FRMPD4: variants seen among roughly 807,000 people sequenced by gnomAD.
FRMPD4 encodes the protein FERM and PDZ domain-containing protein 4.
In FRMPD4, 22 loss-of-function variants were observed where a neutral mutation model predicts 94.1. That is an observed-to-expected ratio of 0.23 (90% CI 0.17 to 0.33). FRMPD4 has a LOEUF of 0.33. Among genes scored for constraint, FRMPD4 ranks in the 10% least tolerant of loss-of-function variants. The pLI is 1.00. For synonymous variants in FRMPD4, 631 were observed against 548.6 expected (o/e 1.15, Z -2.10); for missense variants, 1,111 against 1,339.9 (o/e 0.83, Z 2.67).
At chrX:12,141,539 G>GA (rs1279459669) in intron 1 of FRMPD4, among the ~76,000 whole-genome samples, 1 of 109,896 alleles carries the variant, frequency 9.1e-6, no homozygotes, top group Admixed American at 9.8e-5. Flanking sequence ...TTAATCGTGG[G>GA]AAAAATCAGA....
intron 3 of FRMPD4, among the ~76,000 whole-genome samples, chrX:11,921,359 G>A (rs891594584): frequency 2.7e-5 from 3 of 111,235 alleles, no homozygotes; most frequent in African/African-American, 9.8e-5. Context: ...CTTCTTATAA[G>A]GACACCAGTC....
At chrX:12,593,770 G>A (rs192627947) in intron 2 of FRMPD4, among the ~76,000 whole-genome samples, 2 of 111,031 alleles carry the variant, frequency 1.8e-5, no homozygotes, top group East Asian at 5.6e-4. Context: ...AAGTGCTGCA[G>A]TACACAATCT....
chrX:12,698,452 C>T (rs140606500), intron 9 of FRMPD4, among the ~76,000 whole-genome samples: 6,041 of 110,909 alleles, frequency 0.054, 151 homozygotes, highest in Non-Finnish European at 0.086. Flanking sequence ...CTATTGGTTT[C>T]CTTTTTAAGA....
At chrX:11,987,098 TAAAAAA>T (rs35377550) in intron 3 of FRMPD4, among the ~76,000 whole-genome samples, 4 of 21,853 alleles carry the variant, frequency 1.8e-4, no homozygotes, top group South Asian at 5.8e-3. Context: ...AAAGACACAT[TAAAAAA>T]AAAAAAAAAA....
chrX:11,826,704 G>A (rs1007341084), intron 1 of FRMPD4, among the ~76,000 whole-genome samples: 1 of 111,503 alleles, frequency 9.0e-6, no homozygotes, highest in Non-Finnish European at 1.9e-5. Context: ...TTGCCAATGG[G>A]CCTCCTTCGA....
chrX:12,275,416 T>C lies in FRMPD4; in HGVS notation c.41+136404T>C, dbSNP rs762903633. Among the ~76,000 whole-genome samples, 3 of 110,799 alleles carry C rather than the reference T, an allele frequency of 2.7e-5. No homozygotes were observed. In the East Asian group the frequency reaches 8.6e-4, roughly 32 times the overall value. ...ATTAAACCTTTGTTAAAAAATAAAT[T>C]ACCGAGTCTCAGGTATTTATTTATA... On this transcript the variant is annotated intron_variant, in intron 1 of 16. Transcript: ENST00000675598.
chrX:12,378,249 A>AGTCGTT (rs1278265483), intron 1 of FRMPD4, among the ~76,000 whole-genome samples: 8 of 112,574 alleles, frequency 7.1e-5, no homozygotes, highest in African/African-American at 2.6e-4. Flanking sequence ...ATTGTATTTT[A>AGTCGTT]GTCGTTGTTC....
At chrX:12,148,196 A>G (rs2055797215) in intron 1 of FRMPD4, among the ~76,000 whole-genome samples, 1 of 112,339 alleles carries the variant, frequency 8.9e-6, no homozygotes, top group Non-Finnish European at 1.9e-5. Flanking sequence ...TAGGCCAAAA[A>G]CTAGACCTCT....
chrX:12,110,669 C>T (rs1385390651), intron 3 of FRMPD4, among the ~76,000 whole-genome samples: 4 of 111,432 alleles, frequency 3.6e-5, no homozygotes, highest in Non-Finnish European at 1.9e-5. Context: ...ATTTAGAAAA[C>T]CCCATTGTCT....
At chrX:12,377,726 A>T (rs992189161) in intron 1 of FRMPD4, among the ~76,000 whole-genome samples, 1 of 112,627 alleles carries the variant, frequency 8.9e-6, no homozygotes, top group Admixed American at 9.4e-5. Context: ...GACTGGGTGG[A>T]TGACATGTTG....
intron 1 of FRMPD4, among the ~76,000 whole-genome samples, chrX:12,337,005 C>A (rs1350653784): frequency 1.8e-5 from 2 of 110,764 alleles, no homozygotes; most frequent in African/African-American, 6.6e-5. Context: ...TGGTGTACTT[C>A]TGTGTGTGTT....
chrX:12,344,176 C>T (rs2055663728), intron 1 of FRMPD4, among the ~76,000 whole-genome samples: 1 of 111,225 alleles, frequency 9.0e-6, no homozygotes, highest in Non-Finnish European at 1.9e-5. Flanking sequence ...GCAGGCTGCA[C>T]CATTCAAAAA....
intron 1 of FRMPD4, among the ~76,000 whole-genome samples, chrX:12,222,628 G>A (rs1358762340): frequency 1.8e-5 from 2 of 112,182 alleles, no homozygotes; most frequent in Non-Finnish European, 3.8e-5. Context: ...CAGAAAGTTC[G>A]TATGTGCTTG....
chrX:11,824,995 A>G (rs2053433476), intron 1 of FRMPD4, among the ~76,000 whole-genome samples: 1 of 111,136 alleles, frequency 9.0e-6, no homozygotes, highest in Admixed American at 9.6e-5. Context: ...CTGGGAAACC[A>G]AAGATAGATA....
At chrX:11,913,611 A>G (rs1046816785) in intron 3 of FRMPD4, among the ~76,000 whole-genome samples, 3 of 112,536 alleles carry the variant, frequency 2.7e-5, no homozygotes, top group African/African-American at 9.7e-5. Flanking sequence ...GAAGAAAATT[A>G]GTTGACATTG....
intron 2 of FRMPD4, among the ~76,000 whole-genome samples, chrX:12,510,353 C>A (rs768769055): frequency 7.1e-5 from 8 of 112,129 alleles, no homozygotes; most frequent in Non-Finnish European, 1.3e-4. Flanking sequence ...TAAATTGTGA[C>A]AAATGTACCA....
intron 1 of FRMPD4, among the ~76,000 whole-genome samples, chrX:12,458,097 C>A (rs1022042560): frequency 8.9e-6 from 1 of 112,019 alleles, no homozygotes; most frequent in Non-Finnish European, 1.9e-5. Context: ...AGGGTGCCTA[C>A]ATGATCAGCA....
chrX:12,117,580 A>T (rs1421207204), intron 3 of FRMPD4, among the ~76,000 whole-genome samples: 3 of 111,735 alleles, frequency 2.7e-5, no homozygotes, highest in Admixed American at 1.9e-4. Flanking sequence ...AAAAGGACAC[A>T]TTGCCATTTC....
At chrX:12,544,138 TGAC>T (rs1218182099) in intron 2 of FRMPD4, among the ~76,000 whole-genome samples, 4 of 107,628 alleles carry the variant, frequency 3.7e-5, no homozygotes, top group Non-Finnish European at 5.8e-5. Flanking sequence ...CTAATGTAAA[TGAC>T]GAGTTAATGG....
Sources: allele counts gnomAD v4.1 joint callset (sites outside exome capture counted in the v4.1 genomes callset), GRCh38; gene constraint gnomAD v4.1.1; transcripts MANE v1.5; gene names NCBI Gene and HGNC (gene_info 2026-07-23, HGNC 2026-07-21).